Variants in SEMA3A observed in about 807,000 individuals in gnomAD.
The protein encoded by SEMA3A is semaphorin-3A.
In SEMA3A, 29 loss-of-function variants were observed where a neutral mutation model predicts 97.9. That is an observed-to-expected ratio of 0.30 (90% confidence interval 0.22 to 0.40). SEMA3A has a LOEUF of 0.40. SEMA3A is among the 10% of genes least tolerant of loss of function. The pLI is 1.00. For synonymous variants in SEMA3A, 321 were observed against 323.7 expected, an observed-to-expected ratio of 0.99 and a Z score of 0.09; for missense variants, 763 against 951.3, an observed-to-expected ratio of 0.80 and a Z score of 2.60.
At position 84,278,122 on chromosome 7, in the gene SEMA3A, C is replaced by T. The variant is rs982792662; in HGVS notation, c.-83+29085G>A. Among the ~76,000 whole-genome samples the T allele has an allele frequency of 2.0e-5, 3 of 152,074 alleles. No homozygotes were observed. In the East Asian group the frequency reaches 5.8e-4, roughly 29 times the overall value. On this transcript the variant is annotated intron_variant, in intron 3 of 3. Coordinates refer to the SEMA3A transcript ENST00000424555. ...TACTTTGTGGCTTAGAAATTTCTTCCAACAGATATCCTAAATAATCAGTCT... is the reference window on the plus strand; with the variant it reads ...TACTTTGTGGCTTAGAAATTTCTTCTAACAGATATCCTAAATAATCAGTCT...
chr7:84,409,925 G>C (rs887785526), intron 1 of SEMA3A, among the ~76,000 whole-genome samples: 3 of 151,990 alleles, frequency 2.0e-5, no homozygotes, highest in Non-Finnish European at 2.9e-5. Context: ...ACAGAAATAT[G>C]AATTTTACTG....
chr7:84,029,537 C>A (rs575931350), intron 6 of SEMA3A, among the ~76,000 whole-genome samples: 1 of 152,120 alleles, frequency 6.6e-6, no homozygotes, highest in Non-Finnish European at 1.5e-5. Context: ...TTCTTAACTG[C>A]AGGAAGCTGC....
chr7:84,430,177 T>G (rs1442180675), intron 1 of SEMA3A, among the ~76,000 whole-genome samples: 1 of 152,000 alleles, frequency 6.6e-6, no homozygotes, highest in Admixed American at 6.6e-5. Flanking sequence ...CATTTTTTAA[T>G]AATAATATTC....
At chr7:84,147,860 G>A (rs749933000) in intron 1 of SEMA3A, among the ~76,000 whole-genome samples, 1 of 152,102 alleles carries the variant, frequency 6.6e-6, no homozygotes, top group Admixed American at 6.6e-5. Flanking sequence ...GTTTACCTCA[G>A]AGGTTATTTT....
intron 1 of SEMA3A, among the ~76,000 whole-genome samples, chr7:84,421,172 C>T (rs1804580362): frequency 6.6e-6 from 1 of 151,906 alleles, no homozygotes; most frequent in South Asian, 2.1e-4. Context: ...ACAAAAAAAT[C>T]ATTAAGCTGA....
intron 1 of SEMA3A, among the ~76,000 whole-genome samples, chr7:84,454,573 G>T (rs1237323074): frequency 6.6e-6 from 1 of 151,984 alleles, no homozygotes; most frequent in Non-Finnish European, 1.5e-5. Flanking sequence ...GTGGTAAATG[G>T]TATAGTACAA....
At chr7:84,399,629 G>A (rs1199510033) in intron 1 of SEMA3A, among the ~76,000 whole-genome samples, 5 of 152,226 alleles carry the variant, frequency 3.3e-5, no homozygotes, top group Non-Finnish European at 7.3e-5. Flanking sequence ...CCTAGTTCCA[G>A]GTCATTATTA....
At position 84,007,393 on chromosome 7, in the gene SEMA3A, A is replaced by G; in HGVS notation, c.1100T>C (p.Val367Ala). The G allele has an allele frequency of 6.2e-7, 1 of 1,610,164 alleles. No individual in the cohort carries two copies. The highest frequency in any genetic ancestry group is 8.5e-7 in the Non-Finnish European group (1 of 1,178,144). ...ATAGGGGACTCTTCCTTGATAAGGC[A>G]CCCATTGATAGTTGGGTCCATCCCT... ...AHRDGPNYQW[V>A]PYQGRVPYPR... The change falls in exon 10 of 17, where the codon GTG becomes GCG. Residue 367 changes from valine (V) to alanine (A), a missense_variant. Around this residue, in one of 2 missense-constraint regions of SEMA3A, gnomAD observed 678 missense variants for 881.3 expected, o/e 0.77. Coordinates refer to ENST00000265362, the MANE Select transcript of SEMA3A (RefSeq NM_006080.3).
chr7:84,438,942 A>G (rs1805203807), intron 1 of SEMA3A, among the ~76,000 whole-genome samples: 1 of 152,088 alleles, frequency 6.6e-6, no homozygotes, highest in South Asian at 2.1e-4. Context: ...AACAACCTGT[A>G]AGTATCAGTG....
intron 1 of SEMA3A, among the ~76,000 whole-genome samples, chr7:84,137,143 G>A (rs1255821398): frequency 6.6e-6 from 1 of 152,134 alleles, no homozygotes; most frequent in African/African-American, 2.4e-5. Context: ...GCTCATGCCT[G>A]TAATCTCAGC....
chr7:84,018,869 G>A (rs1314923454), intron 6 of SEMA3A, among the ~76,000 whole-genome samples: 1 of 152,106 alleles, frequency 6.6e-6, no homozygotes, highest in African/African-American at 2.4e-5. Flanking sequence ...ATTGTCAGGA[G>A]TATATTTTCA....
At chr7:84,353,050 G>C (rs1299619360) in intron 2 of SEMA3A, among the ~76,000 whole-genome samples, 17 of 151,626 alleles carry the variant, frequency 1.1e-4, no homozygotes. Context: ...ATATAAAATG[G>C]CATAACATTT....
In SEMA3A at chr7:83,961,524, G is replaced by T; in HGVS notation, c.2163C>A (p.Phe721Leu). ...GGTCCCTTTTCCAAACTTGTTCACAGAACTCATCCATTGTGTTGAGATTGG... is the reference window on the plus strand; with the variant it reads ...GGTCCCTTTTCCAAACTTGTTCACATAACTCATCCATTGTGTTGAGATTGG... The part of the protein sequence containing the change: ...NHPNLNTMDE[F>L]CEQVWKRDRK... The change falls in exon 17 of 17, where the codon TTC becomes TTA. Residue 721 changes from phenylalanine to leucine, a missense_variant. Coordinates refer to ENST00000265362, the MANE Select transcript of SEMA3A (RefSeq NM_006080.3). 1 of 1,614,078 alleles carries T rather than the reference G, an allele frequency of 6.2e-7. No individual in the cohort carries two copies. The highest frequency in any genetic ancestry group is 8.5e-7 in the Non-Finnish European group (1 of 1,179,966).
chr7:84,466,767 G>T (rs1030939420), intron 1 of SEMA3A, among the ~76,000 whole-genome samples: 3 of 152,296 alleles, frequency 2.0e-5, no homozygotes, highest in African/African-American at 7.2e-5. Flanking sequence ...TTCTACTGGG[G>T]TGACTTTGTG....
chr7:84,094,550 A>C (rs369698601), intron 4 of SEMA3A, among the ~76,000 whole-genome samples: 1 of 152,112 alleles, frequency 6.6e-6, no homozygotes, highest in Admixed American at 6.6e-5. Flanking sequence ...AGAATGTCAC[A>C]TATGTGCATG....
At chr7:84,483,843 G>A (rs1357538004) in intron 1 of SEMA3A, among the ~76,000 whole-genome samples, 3 of 151,986 alleles carry the variant, frequency 2.0e-5, no homozygotes, top group Non-Finnish European at 4.4e-5. Context: ...TCAGGAGTTC[G>A]AGACCACCTG....
chr7:84,137,182 C>T (rs1029232528), intron 1 of SEMA3A, among the ~76,000 whole-genome samples: 3 of 151,836 alleles, frequency 2.0e-5, no homozygotes, highest in Admixed American at 6.6e-5. Context: ...GGGTGGATCA[C>T]GAGGTCAGGA....
chr7:84,208,038 G>A (rs978974329), intron 3 of SEMA3A, among the ~76,000 whole-genome samples: 1 of 152,028 alleles, frequency 6.6e-6, no homozygotes, highest in Admixed American at 6.6e-5. Context: ...ATGTATAAAT[G>A]TATATGTGTA....
intron 2 of SEMA3A, among the ~76,000 whole-genome samples, chr7:84,330,306 T>C (rs1051022200): frequency 2.6e-5 from 4 of 152,022 alleles, no homozygotes; most frequent in African/African-American, 7.2e-5. Flanking sequence ...ATTTCAAAAG[T>C]GAAGTTATCT....
Sources: allele counts gnomAD v4.1 joint callset (sites outside exome capture counted in the v4.1 genomes callset), GRCh38; gene constraint gnomAD v4.1.1; regional missense constraint gnomAD v4.1.1; transcripts MANE v1.5; gene names NCBI Gene and HGNC (gene_info 2026-07-23, HGNC 2026-07-21).